MYADM: variants seen among roughly 807,000 people sequenced by gnomAD.
The protein encoded by MYADM is myeloid associated differentiation marker.
For synonymous variants in MYADM, 224 were observed against 210.2 expected (o/e 1.07, Z -0.57); for missense variants, 416 against 443.4 (o/e 0.94, Z 0.56).
Position 53,875,323 on chromosome 19 carries a change from CAT to C in MYADM, c.*840_*841del, listed in dbSNP as rs779596320. On this transcript the variant is annotated 3_prime_UTR_variant, in exon 3 of 3. Transcript: ENST00000391770. ...TGTACTTCCCCTTTAAATTAAAAAA[CAT>C]ATATATATATATATTTGGAGGTCAG... The C allele has an allele frequency of 1.6e-3, 262 of 160,766 alleles. No homozygotes were observed. Among genetic ancestry groups the C allele is most frequent in the South Asian group, 6.3e-4 (3 of 4,764 alleles). The allele number at this position is 160,766 out of a possible 1,614,324, so 10.0% of individuals were successfully genotyped here. A position where few individuals can be genotyped will look rare whatever the true frequency, so the allele number is the denominator to read the frequency against.
At chr19:53,867,627 G>A (rs1483701808), upstream of MYADM, among the ~76,000 whole-genome samples, 2 of 152,326 alleles carry the variant, frequency 1.3e-5, no homozygotes, top group East Asian at 3.9e-4. Context: ...GCCAGCTGTT[G>A]TGTCTTCCTG....
chr19:53,873,371 CAAAAA>C lies in MYADM; in HGVS notation c.-2-148_-2-144del, dbSNP rs112349507. ...TGGGCCACAGAGCAAGACTCTGTCT[CAAAAA>C]AAAAAAAAGAAAAGAAAACCGAAAG... On this transcript the variant is annotated intron_variant, in intron 2 of 2. Coordinates refer to ENST00000391770, the MANE Select transcript of MYADM (RefSeq NM_138373.5). The surrounding 1 kb of genome is among the most constrained non-coding windows in gnomAD (Gnocchi z 4.3). 1.5e-5 allele frequency among the ~76,000 whole-genome samples: 2 copies of C among 135,728 alleles called. No homozygotes were observed. Among genetic ancestry groups the C allele is most frequent in the South Asian group, 4.7e-4 (2 of 4,216 alleles). The allele number at this position is 135,728 out of a possible 152,430, so 89.0% of individuals were successfully genotyped here. A position where few individuals can be genotyped will look rare whatever the true frequency, so the allele number is the denominator to read the frequency against.
At chr19:53,871,849 G>A (rs1033462674) in intron 2 of MYADM, among the ~76,000 whole-genome samples, 9 of 152,042 alleles carry the variant, frequency 5.9e-5, no homozygotes, top group Non-Finnish European at 8.8e-5. Flanking sequence ...GTTGTGGCAG[G>A]AGGCAGAAGG....
intron 2 of MYADM, among the ~76,000 whole-genome samples, chr19:53,871,960 G>A (rs565985168): frequency 2.0e-5 from 3 of 151,592 alleles, no homozygotes; most frequent in Admixed American, 1.3e-4. Context: ...GTGCAGTGGC[G>A]CAATCTCGGC....
Position 53,873,998 on chromosome 19 carries a change from T to TGGACCC in MYADM, c.472_477dup (p.Thr158_Arg159dup), listed in dbSNP as rs781546645. ...TGTGGCTTACGCCACCGAAGTGGCCTGGACCCGGGCCCGGCCCGGCGAGAT... is the reference window on the plus strand; with the variant it reads ...TGTGGCTTACGCCACCGAAGTGGCCTGGACCCGGACCCGGGCCCGGCCCGGCGAGAT... On this transcript the variant is annotated inframe_insertion, in exon 3 of 3. Transcript: ENST00000391770. The surrounding 1 kb of genome is among the most constrained non-coding windows in gnomAD (Gnocchi z 4.3). 9 of 1,608,796 alleles carry TGGACCC rather than the reference T, an allele frequency of 5.6e-6. No individual in the cohort carries two copies. In the East Asian group the frequency reaches 8.9e-5, roughly 16 times the overall value.
intron 2 of MYADM, among the ~76,000 whole-genome samples, chr19:53,870,495 T>TATAGG (rs1000084182): frequency 1.9e-4 from 29 of 151,984 alleles, no homozygotes; most frequent in Admixed American, 7.9e-4. Context: ...CCTGGGCTCC[T>TATAGG]AGATCCTGGG....
rs67727940 is a variant in MYADM at position 53,874,771 on chromosome 19, C to CTTTTT, written c.*291_*295dup. ...CCTGAGCTGTTTCTCTTTTTCTTTTCTTTTTTTTTTTTTTTTTTTTTTAAG... is the reference window on the plus strand; with the variant it reads ...CCTGAGCTGTTTCTCTTTTTCTTTTCTTTTTTTTTTTTTTTTTTTTTTTTTTTAAG... On this transcript the variant is annotated 3_prime_UTR_variant, in exon 3 of 3. Coordinates refer to ENST00000391770, the MANE Select transcript of MYADM (RefSeq NM_138373.5). 10 of 172,102 alleles carry CTTTTT rather than the reference C, an allele frequency of 5.8e-5. No individual in the cohort carries two copies. Among genetic ancestry groups the CTTTTT allele is most frequent in the African/African-American group, 1.1e-4 (4 of 35,116 alleles). The allele number at this position is 172,102 out of a possible 1,614,324, so 10.7% of individuals were successfully genotyped here. A position where few individuals can be genotyped will look rare whatever the true frequency, so the allele number is the denominator to read the frequency against.
chr19:53,869,727 G>A (rs2068324011), intron 1 of MYADM, 27 bp from the exon 2 acceptor site: 1 of 152,518 alleles, frequency 6.6e-6, no homozygotes, highest in South Asian at 2.0e-4. Context: ...TGTCCAAACG[G>A]ACGCTAACGG....
In MYADM at chr19:53,874,399, GGACCGCC is replaced by G; in HGVS notation, c.874_880del (p.Arg292TrpfsTer6). Reference sequence around the variant, plus strand: ...GCCATGCCTACTACGTGTGTGCCTGGGACCGCCGACTGGCTGTGGCCATCCTGACGGC... The same window carrying G: ...GCCATGCCTACTACGTGTGTGCCTGGGACTGGCTGTGGCCATCCTGACGGC... On this transcript the variant is annotated frameshift_variant, in exon 3 of 3. Transcript: ENST00000391770. LOFTEE classifies it high-confidence loss of function. 6.2e-7 allele frequency: 1 copy of G among 1,614,182 alleles called. No homozygotes were observed. Among genetic ancestry groups the G allele is most frequent in the Non-Finnish European group, 8.5e-7 (1 of 1,180,014 alleles).
chr19:53,868,864 G>A lies in MYADM; in HGVS notation c.-87-890G>A, dbSNP rs1190179138. On this transcript the variant is annotated intron_variant, in intron 1 of 2. Coordinates refer to ENST00000391770, the MANE Select transcript of MYADM (RefSeq NM_138373.5). This position sits in a 1 kb window ranked among gnomAD's most constrained non-coding sequence, Gnocchi z 6.3. ...TGGACCCCTCCCCTCCCCTCCCCTC[G>A]GCGCGCCCCCCTCCCCTGCGCGCCC... is the stretch of plus-strand genomic sequence containing the variant. The A allele has an allele frequency of 7.3e-6, 1 of 136,140 alleles. No homozygotes were observed. The highest frequency in any genetic ancestry group is 1.6e-5 in the Non-Finnish European group (1 of 63,862). 8.4% of individuals were successfully genotyped at this position (136,140 alleles called of 1,614,324 possible). A position where few individuals can be genotyped will look rare whatever the true frequency, so the allele number is the denominator to read the frequency against.
chr19:53,874,132 G>A lies in MYADM; in HGVS notation c.603G>A (p.Pro201=). The A allele has an allele frequency of 1.2e-6, 2 of 1,613,430 alleles. No homozygotes were observed. Among genetic ancestry groups the A allele is most frequent in the Non-Finnish European group, 1.7e-6 (2 of 1,180,032 alleles). The stretch of plus-strand genomic sequence containing the variant: ...ACCCCAACCTGTACCAGCACCAGCC[G>A]GCCCTGGAGTGGTGCGTGGCGGTGT... The part of the protein sequence containing the change: ...ISDPNLYQHQ[P]ALEWCVAVYA... Residue 201 remains proline, a synonymous_variant, in exon 3 of 3, where the codon CCG becomes CCA. Transcript: ENST00000391770.
At chr19:53,866,982 C>G (rs2068254934), upstream of MYADM, among the ~76,000 whole-genome samples, 1 of 152,090 alleles carries the variant, frequency 6.6e-6, no homozygotes, top group African/African-American at 2.4e-5. The surrounding 1 kb of genome is among the most constrained non-coding windows in gnomAD (Gnocchi z 4.3). Context: ...TCTTTTGAGC[C>G]AAGAATCTGG....
At position 53,873,613 on chromosome 19, in the gene MYADM, C is replaced by T. The variant is rs764402065; in HGVS notation, c.84C>T (p.Ser28=). 59 of 1,614,002 alleles carry T rather than the reference C, an allele frequency of 3.7e-5. No individual in the cohort carries two copies. Among genetic ancestry groups the T allele is most frequent in the Non-Finnish European group, 4.7e-5 (55 of 1,179,996 alleles). ...SGLGSPMIVG[S]PRALTQPLGL... is the part of the protein sequence containing the mutation. Reference sequence around the variant, plus strand: ...TGGGGTCCCCCATGATCGTGGGGTCCCCTCGGGCCCTGACACAGCCCCTGG... The same window carrying T: ...TGGGGTCCCCCATGATCGTGGGGTCTCCTCGGGCCCTGACACAGCCCCTGG... Residue 28 remains serine, a synonymous_variant, in exon 3 of 3, where the codon TCC becomes TCT. Transcript: ENST00000391770. This position sits in a 1 kb window ranked among gnomAD's most constrained non-coding sequence, Gnocchi z 4.3.
upstream of MYADM, among the ~76,000 whole-genome samples, chr19:53,866,629 C>G (rs851888): frequency 3.3e-5 from 5 of 152,140 alleles, no homozygotes; most frequent in Non-Finnish European, 7.4e-5. This position sits in a 1 kb window ranked among gnomAD's most constrained non-coding sequence, Gnocchi z 4.3. Flanking sequence ...GATCCCTTCC[C>G]CTCTTGCAGG....
In MYADM at chr19:53,873,110, G is replaced by A. The variant is rs1304689974; in HGVS notation, c.-2-418G>A. Among the ~76,000 whole-genome samples the A allele has an allele frequency of 6.6e-6, 1 of 152,170 alleles. No homozygotes were observed. Among genetic ancestry groups the A allele is most frequent in the East Asian group, 1.9e-4 (1 of 5,190 alleles). On this transcript the variant is annotated intron_variant, in intron 2 of 2. Coordinates refer to ENST00000391770, the MANE Select transcript of MYADM (RefSeq NM_138373.5). The surrounding 1 kb of genome is among the most constrained non-coding windows in gnomAD (Gnocchi z 4.3). ...CCCAAGGCTGGGCCCGGTGGCTCAC[G>A]CCTATAATCCCAGCACTTTGGGAGG...
At position 53,874,976 on chromosome 19, in the gene MYADM, C is replaced by CT. The variant is rs978764558; in HGVS notation, c.*482dup. On this transcript the variant is annotated 3_prime_UTR_variant, in exon 3 of 3. Transcript: ENST00000391770. ...TTTCCACTCTTCTTTTTTCTCATCT[C>CT]TTTTCTGGGTTGCCTGTCGGCTTTC... The CT allele has an allele frequency of 4.2e-5, 7 of 167,112 alleles. No homozygotes were observed. The highest frequency in any genetic ancestry group is 1.7e-4 in the African/African-American group (7 of 41,408). The allele number at this position is 167,112 out of a possible 1,614,324, so 10.4% of individuals were successfully genotyped here. A position where few individuals can be genotyped will look rare whatever the true frequency, so the allele number is the denominator to read the frequency against.
Position 53,874,746 on chromosome 19 carries a change from CCT to C in MYADM, c.*249_*250del, listed in dbSNP as rs2068488756. 5 of 402,410 alleles carry C rather than the reference CCT, an allele frequency of 1.2e-5. No homozygotes were observed. The East Asian group carries it at 1.6e-4, about 13-fold the overall frequency. The allele number at this position is 402,410 out of a possible 1,614,324, so 24.9% of individuals were successfully genotyped here. On this transcript the variant is annotated 3_prime_UTR_variant, in exon 3 of 3. Transcript: ENST00000391770. ...TTGTTGCCCACATCCTGTTTTCACC[CCT>C]GAGCTGTTTCTCTTTTTCTTTTCTT...
At chr19:53,869,429 C>T (rs1355437037) in intron 1 of MYADM, 1 of 152,384 alleles carries the variant, frequency 6.6e-6, no homozygotes, top group Non-Finnish European at 1.5e-5. Flanking sequence ...CCTTATAAGG[C>T]GCGGAGACAC....
rs2068533014 is a variant in MYADM, at chr19:53,876,210, G to T, written c.*1712G>T. The T allele has an allele frequency of 6.0e-6, 1 of 165,864 alleles. No homozygotes were observed. Among genetic ancestry groups the T allele is most frequent in the African/African-American group, 2.4e-5 (1 of 41,176 alleles). 10.3% of individuals were successfully genotyped at this position (165,864 alleles called of 1,614,324 possible). A position where few individuals can be genotyped will look rare whatever the true frequency, so the allele number is the denominator to read the frequency against. On this transcript the variant is annotated 3_prime_UTR_variant, in exon 3 of 3. Transcript: ENST00000391770. ...CACGCACGGGTGTTTCTGTGTGCTA[G>T]TTGCTTCTTGCTGCTGCTTCCTGCT...
Sources: allele counts gnomAD v4.1 joint callset (sites outside exome capture counted in the v4.1 genomes callset), GRCh38; gene constraint gnomAD v4.1.1; non-coding constraint Gnocchi (gnomAD v3.1); transcripts MANE v1.5; gene names NCBI Gene and HGNC (gene_info 2026-07-23, HGNC 2026-07-21).